Variants in ATM observed in about 807,000 individuals in gnomAD.
ATM encodes ATM serine/threonine kinase, also known as serine-protein kinase ATM.
A neutral mutation model predicts 387.0 loss-of-function variants in ATM; 308 were observed. The ratio of observed to expected loss-of-function variants is 0.80; its 90% CI spans 0.73 to 0.87. ATM has a LOEUF of 0.87. Among genes scored for constraint, ATM ranks in the 40% least tolerant of loss-of-function variants. The probability of loss-of-function intolerance (pLI) is 0.00; values close to 1 mark genes in which losing one functional copy is unlikely to be tolerated. For synonymous variants in ATM, 1,156 were observed against 1,187.3 expected (o/e 0.97, Z 0.54); for missense variants, 3,312 against 3,560.9 (o/e 0.93, Z 1.78).
chr11:108,277,023 C>T (rs1169958323), intron 22 of ATM, among the ~76,000 whole-genome samples: 2 of 152,152 alleles, frequency 1.3e-5, no homozygotes, highest in African/African-American at 2.4e-5. Context: ...TCTATAAGCT[C>T]CTGACTGGGG....
Position 108,343,377 on chromosome 11 carries a change from T to C in ATM, c.8418+6T>C, listed in dbSNP as rs1555135928. ...AGTGCCAAAAGAAAATGATGGTGAG[T>C]GACACCCAAAATTAAAGGTTATTGT... On this transcript the variant is annotated splice_donor_region_variant and intron_variant, in intron 57 of 62. Coordinates refer to ENST00000675843, the MANE Select transcript of ATM (RefSeq NM_000051.4). 3 of 1,613,744 alleles carry C rather than the reference T, an allele frequency of 1.9e-6. No homozygotes were observed. The highest frequency in any genetic ancestry group is 2.7e-5 in the African/African-American group (2 of 75,010).
rs765253087 is a variant in ATM, at chr11:108,368,288, CAAA to C, written c.*2795_*2797del. Reference sequence around the variant, plus strand: ...TTGGCGACAGAGCAAGACTCTGCCTCAAAAAAAAAAAAAAAAAGGTTTTGGCAA... The same window carrying C: ...TTGGCGACAGAGCAAGACTCTGCCTCAAAAAAAAAAAAAAGGTTTTGGCAA... On this transcript the variant is annotated 3_prime_UTR_variant, in exon 63 of 63. Transcript: ENST00000675843. 261 of 96,802 alleles carry C rather than the reference CAAA, an allele frequency of 2.7e-3. No individual in the cohort carries two copies. The highest frequency in any genetic ancestry group is 4.7e-3 in the East Asian group (39 of 8,224). 6.0% of individuals were successfully genotyped at this position (96,802 alleles called of 1,614,324 possible).
chr11:108,366,395 TG>T lies in ATM; in HGVS notation c.*888del, dbSNP rs1234319831. 1.4e-5 allele frequency: 3 copies of T among 217,568 alleles called. No homozygotes were observed. The highest frequency in any genetic ancestry group is 2.8e-5 in the Non-Finnish European group (3 of 108,358). The allele number at this position is 217,568 out of a possible 1,614,324, so 13.5% of individuals were successfully genotyped here. A position where few individuals can be genotyped will look rare whatever the true frequency, so the allele number is the denominator to read the frequency against. On this transcript the variant is annotated 3_prime_UTR_variant, in exon 63 of 63. Transcript: ENST00000675843. Reference sequence around the variant, plus strand: ...CTCTGTTTCTTGATGTCATTTTTAATGTTTTTTTAATGTTTTTTATGTCACT... The same window carrying T: ...CTCTGTTTCTTGATGTCATTTTTAATTTTTTTTAATGTTTTTTATGTCACT...
chr11:108,311,175 A>G (rs567079229), intron 39 of ATM, among the ~76,000 whole-genome samples: 81 of 152,108 alleles, frequency 5.3e-4, no homozygotes, highest in South Asian at 1.0e-3. Context: ...AGATCTTGCT[A>G]TGTTGCTCAG....
At position 108,268,595 on chromosome 11, in the gene ATM, C is replaced by G. The variant is rs3218688; in HGVS notation, c.2824C>G (p.Leu942Val). Residue 942 changes from leucine to valine, a missense_variant, in exon 18 of 63, where the codon CTC (leucine) becomes GTC (valine). Leu to Val is a conservative substitution (Grantham distance 32). Coordinates refer to ENST00000675843, the MANE Select transcript of ATM (RefSeq NM_000051.4). ...DSSTLEPTKS[L>V]HLHMYLMLLK... is the part of the protein sequence containing the mutation. ...TAGCACGCTAGAACCTACCAAATCC[C>G]TCCACCTGCATATGGTGAGTTACGT... is the stretch of plus-strand genomic sequence containing the variant. 1 of 1,613,936 alleles carries G rather than the reference C, an allele frequency of 6.2e-7. No homozygotes were observed. The highest frequency in any genetic ancestry group is 8.5e-7 in the Non-Finnish European group (1 of 1,179,974).
intron 56 of ATM, among the ~76,000 whole-genome samples, chr11:108,342,855 C>T (rs1484902723): frequency 6.6e-6 from 1 of 152,074 alleles, no homozygotes; most frequent in African/African-American, 2.4e-5. Context: ...AAGTGAAACT[C>T]CCCAAATTTA....
In ATM at chr11:108,365,124, T is replaced by C. The variant is rs1060504287; in HGVS notation, c.8893T>C (p.Leu2965=). Residue 2965 remains leucine (L), a synonymous_variant, in exon 62 of 63, where the codon TTG becomes CTG. Transcript: ENST00000675843. ...ACTCTTTGACTGGACCATGAATCCT[T>C]TGAAAGCTTTGTATTTACAGCAGAG... ...DPLFDWTMNP[L]KALYLQQRPE... The C allele has an allele frequency of 6.2e-7, 1 of 1,614,182 alleles. No individual in the cohort carries two copies. Among genetic ancestry groups the C allele is most frequent in the East Asian group, 2.2e-5 (1 of 44,880 alleles).
rs1305696123 is a variant in ATM, at chr11:108,293,337, G to C, written c.4636G>C (p.Val1546Leu). 6.4e-7 allele frequency: 1 copy of C among 1,567,962 alleles called. No homozygotes were observed. Among genetic ancestry groups the C allele is most frequent in the South Asian group, 1.1e-5 (1 of 88,112 alleles). ...GGTATTGGACTTGTTGAAATACTTA[G>C]TGATAGATAACAAGGATAATGAAAA... The part of the protein sequence containing the change: ...KQVLDLLKYL[V>L]IDNKDNENLY... The change falls in exon 31 of 63, where the codon GTG becomes CTG. Residue 1546 changes from valine (V) to leucine (L), a missense_variant. Val to Leu is a conservative substitution (Grantham distance 32). Coordinates refer to ENST00000675843, the MANE Select transcript of ATM (RefSeq NM_000051.4).
At chr11:108,254,355 G>A (rs2080342596) in intron 13 of ATM, among the ~76,000 whole-genome samples, 1 of 152,142 alleles carries the variant, frequency 6.6e-6, no homozygotes, top group Admixed American at 6.6e-5. Context: ...ACAAAGGAGG[G>A]AAATGTTACA....
At chr11:108,269,946 G>A (rs2081483439) in intron 18 of ATM, among the ~76,000 whole-genome samples, 1 of 152,158 alleles carries the variant, frequency 6.6e-6, no homozygotes, top group Non-Finnish European at 1.5e-5. Context: ...AAGTATTGAT[G>A]TTTCAAGTCA....
At position 108,365,755 on chromosome 11, in the gene ATM, T is replaced by C. The variant is rs986676453; in HGVS notation, c.*247T>C. The C allele has an allele frequency of 4.0e-5, 21 of 519,056 alleles. No homozygotes were observed. The highest frequency in any genetic ancestry group is 6.4e-5 in the Non-Finnish European group (19 of 296,460). The allele number at this position is 519,056 out of a possible 1,614,324, so 32.2% of individuals were successfully genotyped here. On this transcript the variant is annotated 3_prime_UTR_variant, in exon 63 of 63. Coordinates refer to ENST00000675843, the MANE Select transcript of ATM (RefSeq NM_000051.4). Reference sequence around the variant, plus strand: ...CGGGCTGGGCGCAGCGGCTCACGCCTGTAATCCCAGCACTTTGGGAGGCCG... The same window carrying C: ...CGGGCTGGGCGCAGCGGCTCACGCCCGTAATCCCAGCACTTTGGGAGGCCG...
chr11:108,287,601 T>G lies in ATM; in HGVS notation c.3995T>G (p.Ile1332Ser), dbSNP rs1064793805. 2 of 1,599,110 alleles carry G rather than the reference T, an allele frequency of 1.3e-6. No individual in the cohort carries two copies. The highest frequency in any genetic ancestry group is 1.7e-6 in the Non-Finnish European group (2 of 1,167,136). ...LKSENLLGKQIDHLFISNLPE... is the reference protein window; with the variant it reads ...LKSENLLGKQSDHLFISNLPE... ...TATTTTAATTTTGTGCCCTTGCAGATTGATCACTTATTCATTAGTAATTTA... is the reference window on the plus strand; with the variant it reads ...TATTTTAATTTTGTGCCCTTGCAGAGTGATCACTTATTCATTAGTAATTTA... Residue 1332 changes from isoleucine to serine, a missense_variant and splice_region_variant, in exon 27 of 63, where the codon ATT becomes AGT. Ile to Ser is a moderately radical substitution (Grantham distance 142). Around this residue, in one of 4 missense-constraint regions of ATM, gnomAD observed 1,791 missense variants for 1,804.5 expected, o/e 0.99. Coordinates refer to ENST00000675843, the MANE Select transcript of ATM (RefSeq NM_000051.4).
At position 108,257,610 on chromosome 11, in the gene ATM, A is replaced by G; in HGVS notation, c.2376+4A>G. 1.9e-6 allele frequency: 3 copies of G among 1,613,166 alleles called. No individual in the cohort carries two copies. Among genetic ancestry groups the G allele is most frequent in the Non-Finnish European group, 2.5e-6 (3 of 1,179,872 alleles). ...TTGCTTGAGCAACTGTACCAAGGTA[A>G]GATTTTCTTCTTCTTGTTTTGTTTT... On this transcript the variant is annotated splice_donor_region_variant and intron_variant, in intron 15 of 62. Coordinates refer to ENST00000675843, the MANE Select transcript of ATM (RefSeq NM_000051.4).
chr11:108,324,808 T>C (rs1490525166), intron 45 of ATM, among the ~76,000 whole-genome samples: 1 of 152,220 alleles, frequency 6.6e-6, no homozygotes, highest in African/African-American at 2.4e-5. Context: ...TTTAATAATG[T>C]TGGTAAATGA....
chr11:108,261,688 C>A (rs1425294512), intron 16 of ATM, among the ~76,000 whole-genome samples: 1 of 152,014 alleles, frequency 6.6e-6, no homozygotes, highest in Non-Finnish European at 1.5e-5. Flanking sequence ...TTACTCTGAG[C>A]TACGGGAGGA....
chr11:108,276,040 G>T (rs1208575328), intron 22 of ATM, among the ~76,000 whole-genome samples: 1 of 152,068 alleles, frequency 6.6e-6, no homozygotes, highest in African/African-American at 2.4e-5. Context: ...CATATTTCTT[G>T]GAGGCTTTGT....
chr11:108,256,062 G>C (rs2080458835), intron 13 of ATM, among the ~76,000 whole-genome samples, 153 bp from the exon 14 acceptor site: 1 of 152,104 alleles, frequency 6.6e-6, no homozygotes, highest in Admixed American at 6.5e-5. Context: ...TGATCTCCTA[G>C]TTGTTTTTAG....
chr11:108,357,887 C>T (rs924778313), intron 61 of ATM, among the ~76,000 whole-genome samples: 9 of 151,214 alleles, frequency 6.0e-5, no homozygotes, highest in African/African-American at 2.2e-4. Context: ...ACGCAGAGCA[C>T]CTCTCCTCCT....
intron 16 of ATM, among the ~76,000 whole-genome samples, chr11:108,266,283 A>G (rs1475274369): frequency 6.6e-6 from 1 of 151,816 alleles, no homozygotes; most frequent in African/African-American, 2.4e-5. Flanking sequence ...GCACATATAC[A>G]CCATGGAATA....
Sources: gnomAD v4.1 joint callset for allele counts (sites outside exome capture counted in the v4.1 genomes callset) on GRCh38, gnomAD v4.1.1 for gene constraint, gnomAD v4.1.1 regional missense constraint, MANE v1.5 for transcripts, NCBI Gene and HGNC (gene_info 2026-07-23, HGNC 2026-07-21) for gene names.